Variants in GNG2 observed in about 807,000 individuals in gnomAD.
GNG2 encodes the protein guanine nucleotide-binding protein G(I)/G(S)/G(O) subunit gamma-2.
Under a neutral mutation model 5.5 loss-of-function variants are expected in GNG2, and 5 were observed. The observed-to-expected ratio is 0.91, with a 90% CI of 0.48 to 1.92. GNG2 has a LOEUF of 1.92. Ranked by LOEUF, GNG2 falls within the 30% of genes most tolerant of loss-of-function variation. The probability of loss-of-function intolerance (pLI) is 0.01; values close to 1 mark genes in which losing one functional copy is unlikely to be tolerated. For missense variants in GNG2, 55 were observed against 88.4 expected, an observed-to-expected ratio of 0.62 and a Z score of 1.52; for synonymous variants, 28 against 32.0, an observed-to-expected ratio of 0.88 and a Z score of 0.42.
intron 3 of GNG2, among the ~76,000 whole-genome samples, chr14:51,960,521 T>C (rs186238088): frequency 1.3e-5 from 2 of 150,786 alleles, no homozygotes; most frequent in African/African-American, 4.9e-5. Flanking sequence ...TGTGCCTTTT[T>C]ATATCTTCTG....
At chr14:51,911,479 C>G (rs1886288418) in intron 2 of GNG2, among the ~76,000 whole-genome samples, 1 of 151,772 alleles carries the variant, frequency 6.6e-6, no homozygotes, top group African/African-American at 2.4e-5. Context: ...ACTGGGAAAT[C>G]TTGGAAATTT....
chr14:51,831,857 T>C (rs1267156817), intron 2 of GNG2, among the ~76,000 whole-genome samples: 1 of 152,192 alleles, frequency 6.6e-6, no homozygotes, highest in African/African-American at 2.4e-5. Flanking sequence ...TGAAATACAT[T>C]ATAAAATATG....
At chr14:51,927,037 A>G (rs918384436) in intron 2 of GNG2, among the ~76,000 whole-genome samples, 2 of 152,244 alleles carry the variant, frequency 1.3e-5, no homozygotes, top group African/African-American at 4.8e-5. Context: ...ATTTTGAATT[A>G]CAGTCATCAC....
chr14:51,846,190 A>G (rs1320152759), intron 2 of GNG2, among the ~76,000 whole-genome samples: 2 of 152,250 alleles, frequency 1.3e-5, no homozygotes, highest in Non-Finnish European at 2.9e-5. Context: ...TACTTGACTC[A>G]GATATAATCA....
chr14:51,891,734 A>G (rs1336761669), intron 2 of GNG2, among the ~76,000 whole-genome samples: 6 of 152,304 alleles, frequency 3.9e-5, no homozygotes, highest in African/African-American at 1.2e-4. Flanking sequence ...GTGGATGTAC[A>G]TAGCTGTAGT....
chr14:51,831,409 C>A lies in GNG2; in HGVS notation c.64+3602C>A, dbSNP rs550472949. The stretch of plus-strand genomic sequence containing the variant: ...CCCCAGTACTTAGAACAATGTCTGG[C>A]ACATGTACTGTGCTCAATACATATT... On this transcript the variant is annotated intron_variant, in intron 2 of 3. Coordinates refer to the GNG2 transcript ENST00000553432. 3.3e-5 allele frequency among the ~76,000 whole-genome samples: 5 copies of A among 152,280 alleles called. No homozygotes were observed. In the South Asian group the frequency reaches 1.0e-3, roughly 32 times the overall value.
intron 2 of GNG2, among the ~76,000 whole-genome samples, chr14:51,936,410 T>C (rs1166354089): frequency 6.6e-6 from 1 of 152,016 alleles, no homozygotes; most frequent in Admixed American, 6.6e-5. Flanking sequence ...AGGAAGAAGG[T>C]GAGCAGCAGA....
chr14:51,900,406 T>C (rs1180991412), intron 2 of GNG2, among the ~76,000 whole-genome samples: 1 of 151,954 alleles, frequency 6.6e-6, no homozygotes, highest in African/African-American at 2.4e-5. Flanking sequence ...TACACGAGAC[T>C]GAATTATATA....
At chr14:51,835,221 T>A (rs889705215) in intron 2 of GNG2, among the ~76,000 whole-genome samples, 7 of 152,092 alleles carry the variant, frequency 4.6e-5, no homozygotes, top group African/African-American at 1.7e-4. Flanking sequence ...GAAGCAGCAG[T>A]GAACTAATTG....
At chr14:51,889,980 A>G (rs1884741834) in intron 2 of GNG2, among the ~76,000 whole-genome samples, 1 of 152,212 alleles carries the variant, frequency 6.6e-6, no homozygotes, top group Non-Finnish European at 1.5e-5. Flanking sequence ...TTATTTATCA[A>G]ACTCCTAACC....
chr14:51,920,081 TTGTATC>T (rs1379020328), intron 2 of GNG2, among the ~76,000 whole-genome samples: 1 of 152,180 alleles, frequency 6.6e-6, no homozygotes, highest in African/African-American at 2.4e-5. Flanking sequence ...AGCTGGCCCT[TTGTATC>T]TGAGGGTTCT....
rs377437358 is a variant in GNG2 at position 51,956,696 on chromosome 14, A to G, written c.87+5931A>G. Among the ~76,000 whole-genome samples the G allele has an allele frequency of 9.2e-5, 14 of 152,328 alleles. No homozygotes were observed. The East Asian group carries it at 1.4e-3, about 15-fold the overall frequency. ...GCAACCCAACTAAAGCCATGATTTT[A>G]TGACTGATACCCTTAATACACAGGC... On this transcript the variant is annotated intron_variant, in intron 3 of 3. Coordinates refer to ENST00000556766, the MANE Select transcript of GNG2 (RefSeq NM_053064.5).
intron 2 of GNG2, chr14:51,916,602 G>C (rs867448859): frequency 1.2e-5 from 5 of 409,024 alleles, no homozygotes; most frequent in African/African-American, 4.2e-5. Context: ...TGGCCATTGA[G>C]GGGGAGGAAG....
upstream of GNG2, among the ~76,000 whole-genome samples, chr14:51,857,083 C>T (rs1882197813): frequency 1.3e-5 from 2 of 152,084 alleles, no homozygotes; most frequent in Admixed American, 6.6e-5. Flanking sequence ...CCTTAATGGA[C>T]CCAAATGCTA....
At chr14:51,826,620 G>A (rs537227670) in intron 1 of GNG2, among the ~76,000 whole-genome samples, 2 of 152,310 alleles carry the variant, frequency 1.3e-5, no homozygotes, top group South Asian at 2.1e-4. Context: ...CCTGAAACAG[G>A]AACACCTCAT....
chr14:51,921,811 A>G (rs1043385046), intron 2 of GNG2, among the ~76,000 whole-genome samples: 4 of 152,220 alleles, frequency 2.6e-5, no homozygotes, highest in African/African-American at 9.6e-5. Flanking sequence ...AGGATTTTTC[A>G]AATTATGAAA....
At chr14:51,877,721 A>G (rs1212164481) in intron 2 of GNG2, 64 bp downstream of exon 2, 3 of 441,844 alleles carry the variant, frequency 6.8e-6, no homozygotes, top group South Asian at 1.6e-5. Context: ...AGAGGAAAAA[A>G]AATGTTAAGT....
chr14:51,901,317 G>T (rs192138376), intron 2 of GNG2, among the ~76,000 whole-genome samples: 44 of 151,994 alleles, frequency 2.9e-4, no homozygotes, highest in South Asian at 2.1e-3. Context: ...TCCCAAAGTA[G>T]CTGGGACCAC....
chr14:51,966,769 C>T lies in GNG2; in HGVS notation c.*82C>T, dbSNP rs1784127403. 2.5e-6 allele frequency: 3 copies of T among 1,210,132 alleles called. No homozygotes were observed. Among genetic ancestry groups the T allele is most frequent in the Non-Finnish European group, 3.7e-6 (3 of 817,536 alleles). The allele number at this position is 1,210,132 out of a possible 1,614,324, so 75.0% of individuals were successfully genotyped here. On this transcript the variant is annotated 3_prime_UTR_variant, in exon 4 of 4. Transcript: ENST00000556766. ...TTAGTGAAGTGGGCACCTTTCTAGT[C>T]CACGGCATTTGAAGAGAGCGAGGAG... is the stretch of plus-strand genomic sequence containing the variant.
Sources: gnomAD v4.1 joint callset for allele counts (sites outside exome capture counted in the v4.1 genomes callset) on GRCh38, gnomAD v4.1.1 for gene constraint, MANE v1.5 for transcripts, NCBI Gene and HGNC (gene_info 2026-07-23, HGNC 2026-07-21) for gene names.